SEPTIN9: variants seen among roughly 807,000 people sequenced by gnomAD.
SEPTIN9 encodes septin 9.
In SEPTIN9, 13 loss-of-function variants were observed where a neutral mutation model predicts 56.6. That is an observed-to-expected ratio of 0.23 (90% confidence interval 0.15 to 0.37). The LOEUF (loss-of-function observed/expected upper bound fraction) is 0.37, where lower values mean the gene tolerates loss of function less well. Ranked by LOEUF, SEPTIN9 falls within the 10% of genes least tolerant of loss-of-function variation. The pLI, the probability that SEPTIN9 is intolerant of heterozygous loss-of-function variation, is 1.00. For synonymous variants in SEPTIN9, 332 were observed against 334.1 expected (o/e 0.99, Z 0.07); for missense variants, 650 against 823.1 (o/e 0.79, Z 2.57).
At chr17:77,346,752 G>T (rs186995961) in intron 2 of SEPTIN9, among the ~76,000 whole-genome samples, 30 of 152,252 alleles carry the variant, frequency 2.0e-4, no homozygotes, top group Admixed American at 1.9e-3. Context: ...TTGAGAGAAT[G>T]GTGTTTGCTA....
rs2032795851 is a variant in SEPTIN9, at chr17:77,318,774, C to T, written c.76+11577C>T. ...GGGACTGTGGCCTGAAGTGGCACTT[C>T]AGGGCCTTTGGCTCTGTCATCTAGC... On this transcript the variant is annotated intron_variant, in intron 2 of 11. Coordinates refer to ENST00000427177, the MANE Select transcript of SEPTIN9 (RefSeq NM_001113491.2). The surrounding 1 kb of genome is among the most constrained non-coding windows in gnomAD (Gnocchi z 4.9). Among the ~76,000 whole-genome samples, 1 of 152,178 alleles carries T rather than the reference C, an allele frequency of 6.6e-6. No individual in the cohort carries two copies. Among genetic ancestry groups the T allele is most frequent in the South Asian group, 2.1e-4 (1 of 4,826 alleles).
chr17:77,454,088 A>C, intron 3 of SEPTIN9: 1 of 985,558 alleles, frequency 1.0e-6, no homozygotes. Flanking sequence ...TCAATGCTTG[A>C]GAGTAGGGTC....
intron 2 of SEPTIN9, among the ~76,000 whole-genome samples, chr17:77,382,387 G>C (rs1288184376): frequency 1.3e-5 from 2 of 152,368 alleles, no homozygotes; most frequent in East Asian, 3.9e-4. Flanking sequence ...TCTGTGCCTG[G>C]CACAGCTGCC....
intron 3 of SEPTIN9, among the ~76,000 whole-genome samples, chr17:77,477,128 C>T (rs140227507): frequency 0.011 from 1,639 of 151,548 alleles, 15 homozygotes; most frequent in Middle Eastern, 0.017. Flanking sequence ...CCCCCTCCCT[C>T]CTTCCCTTCT....
Position 77,475,181 on chromosome 17 carries a change from C to G in SEPTIN9, c.722-6963C>G. The G allele has an allele frequency of 1.7e-6, 2 of 1,173,956 alleles. No individual in the cohort carries two copies. The highest frequency in any genetic ancestry group is 1.5e-5 in the African/African-American group (1 of 64,754). The allele number at this position is 1,173,956 out of a possible 1,614,324, so 72.7% of individuals were successfully genotyped here. On this transcript the variant is annotated intron_variant, in intron 3 of 11. Coordinates refer to ENST00000427177, the MANE Select transcript of SEPTIN9 (RefSeq NM_001113491.2). The surrounding 1 kb of genome is among the most constrained non-coding windows in gnomAD (Gnocchi z 4.6). ...GGGGTGAGCGTGATGGATGAGGTGT[C>G]TGGCTTCACAAACCCTGTGTGGGGG...
intron 2 of SEPTIN9, among the ~76,000 whole-genome samples, chr17:77,345,772 C>G (rs2033871145): frequency 6.6e-6 from 1 of 152,160 alleles, no homozygotes; most frequent in East Asian, 1.9e-4. Flanking sequence ...ACAGTGTTGT[C>G]CCCTGTGGAT....
chr17:77,359,730 A>C (rs1440056752), intron 2 of SEPTIN9, among the ~76,000 whole-genome samples: 1 of 152,152 alleles, frequency 6.6e-6, no homozygotes. Context: ...TAGGAGTTCG[A>C]GGCTGCAGTG....
In SEPTIN9 at chr17:77,492,277, C is replaced by T. The variant is rs2040063444; in HGVS notation, c.1381-344C>T. ...CCCCTGCTGGAACTGGGGACTGTGA[C>T]GAGGGTTTTTTAGGAAGGGTTTCAG... On this transcript the variant is annotated intron_variant, in intron 8 of 11. Transcript: ENST00000427177. The surrounding 1 kb of genome is among the most constrained non-coding windows in gnomAD (Gnocchi z 5.4). 6.6e-6 allele frequency among the ~76,000 whole-genome samples: 1 copy of T among 151,912 alleles called. No homozygotes were observed. Among genetic ancestry groups the T allele is most frequent in the Non-Finnish European group, 1.5e-5 (1 of 67,960 alleles).
At chr17:77,407,380 A>G (rs987070903) in intron 3 of SEPTIN9, among the ~76,000 whole-genome samples, 3 of 150,958 alleles carry the variant, frequency 2.0e-5, no homozygotes, top group African/African-American at 7.3e-5. Flanking sequence ...GGAGTGAGCC[A>G]CTGGTGGTGA....
Position 77,498,845 on chromosome 17 carries a change from C to T in SEPTIN9, c.*187C>T, listed in dbSNP as rs1040524791. 54 of 630,054 alleles carry T rather than the reference C, an allele frequency of 8.6e-5. 1 individual carries two copies. Among genetic ancestry groups the T allele is most frequent in the Non-Finnish European group, 1.4e-4 (49 of 339,078 alleles). 39.0% of individuals were successfully genotyped at this position (630,054 alleles called of 1,614,324 possible). ...AGTGAGTCAGTGATGAGGCCGCGGC[C>T]TCCCCGAGGTTGTGGGGAGGCTGCA... On this transcript the variant is annotated 3_prime_UTR_variant, in exon 12 of 12. Transcript: ENST00000427177.
intron 2 of SEPTIN9, among the ~76,000 whole-genome samples, chr17:77,348,302 T>TTTTC (rs2033951114): frequency 6.9e-6 from 1 of 144,304 alleles, no homozygotes; most frequent in Admixed American, 6.9e-5. Flanking sequence ...ATGTTTTTTT[T>TTTTC]TTTTTTTTTT....
intron 2 of SEPTIN9, among the ~76,000 whole-genome samples, chr17:77,358,667 A>T (rs2034327866): frequency 6.6e-6 from 1 of 152,192 alleles, no homozygotes; most frequent in African/African-American, 2.4e-5. Context: ...AAAATAAAAT[A>T]AAAATTAAAA....
chr17:77,312,809 G>C (rs2032555002), intron 2 of SEPTIN9, among the ~76,000 whole-genome samples: 1 of 152,170 alleles, frequency 6.6e-6, no homozygotes, highest in African/African-American at 2.4e-5. Context: ...GTGACAAAAA[G>C]GGTCTGTATA....
Position 77,430,964 on chromosome 17 carries a change from C to T in SEPTIN9, c.721+28261C>T, listed in dbSNP as rs1314657591. 5.3e-5 allele frequency among the ~76,000 whole-genome samples: 8 copies of T among 151,188 alleles called. 1 individual carries two copies. Among genetic ancestry groups the T allele is most frequent in the African/African-American group, 1.7e-4 (7 of 41,042 alleles). On this transcript the variant is annotated intron_variant, in intron 3 of 11. Coordinates refer to ENST00000427177, the MANE Select transcript of SEPTIN9 (RefSeq NM_001113491.2). ...CGAGACTGTGCTACTGCACTCCAGC[C>T]TGGGCAACAGAGCAATACTCCGTAT...
rs973887328 is a variant in SEPTIN9, at chr17:77,445,223, C to T, written c.722-36921C>T. On this transcript the variant is annotated intron_variant, in intron 3 of 11. Coordinates refer to ENST00000427177, the MANE Select transcript of SEPTIN9 (RefSeq NM_001113491.2). The surrounding 1 kb of genome is among the most constrained non-coding windows in gnomAD (Gnocchi z 4.7). ...GGTAGAAATGTGGGCTGCCTCGGGG[C>T]GTCACAGCTACAAATGCATACCAGC... 16 of 470,952 alleles carry T rather than the reference C, an allele frequency of 3.4e-5. No individual in the cohort carries two copies. The highest frequency in any genetic ancestry group is 4.8e-5 in the Non-Finnish European group (11 of 227,048). 29.2% of individuals were successfully genotyped at this position (470,952 alleles called of 1,614,324 possible). A position where few individuals can be genotyped will look rare whatever the true frequency, so the allele number is the denominator to read the frequency against.
intron 3 of SEPTIN9, among the ~76,000 whole-genome samples, chr17:77,440,233 C>A (rs2037494553): frequency 6.6e-6 from 1 of 152,172 alleles, no homozygotes; most frequent in Admixed American, 6.5e-5. Flanking sequence ...TGGCTCACTG[C>A]AACCTCCACC....
In SEPTIN9 at chr17:77,433,221, G is replaced by A. The variant is rs893618561; in HGVS notation, c.721+30518G>A. On this transcript the variant is annotated intron_variant, in intron 3 of 11. Coordinates refer to ENST00000427177, the MANE Select transcript of SEPTIN9 (RefSeq NM_001113491.2). The surrounding 1 kb of genome is among the most constrained non-coding windows in gnomAD (Gnocchi z 6.4). ...CATCTCCAGCCGTGGTGTCCCTCTC[G>A]GTCACAGGATGCTGCAGCCACGTTG... Among the ~76,000 whole-genome samples the A allele has an allele frequency of 2.4e-4, 36 of 152,160 alleles. No homozygotes were observed. The highest frequency in any genetic ancestry group is 8.2e-4 in the African/African-American group (34 of 41,434).
rs1188620088 is a variant in SEPTIN9, at chr17:77,405,791, C to T, written c.721+3088C>T. 6.6e-6 allele frequency among the ~76,000 whole-genome samples: 1 copy of T among 152,196 alleles called. No individual in the cohort carries two copies. The highest frequency in any genetic ancestry group is 1.5e-5 in the Non-Finnish European group (1 of 68,020). ...TGTCACGACCGTTCTGGACACGGAT[C>T]CAGTTCTCTCCAACTCAGCTTCCTG... On this transcript the variant is annotated intron_variant, in intron 3 of 11. Transcript: ENST00000427177. The surrounding 1 kb of genome is among the most constrained non-coding windows in gnomAD (Gnocchi z 5.8).
intron 2 of SEPTIN9, among the ~76,000 whole-genome samples, chr17:77,395,547 A>G (rs777475035): frequency 1.3e-5 from 2 of 150,894 alleles, no homozygotes; most frequent in Non-Finnish European, 3.0e-5. Flanking sequence ...AAAAAAAAGA[A>G]CAATATCGAT....
Sources: allele counts gnomAD v4.1 joint callset (sites outside exome capture counted in the v4.1 genomes callset), GRCh38; gene constraint gnomAD v4.1.1; non-coding constraint Gnocchi (gnomAD v3.1); transcripts MANE v1.5; gene names NCBI Gene and HGNC (gene_info 2026-07-23, HGNC 2026-07-21).